SMIM31: variants seen among roughly 807,000 people sequenced by gnomAD.
SMIM31 encodes human epithelial cell program regulator.
At chr4:164,787,948 A>G (rs1386768993) in intron 2 of SMIM31, among the ~76,000 whole-genome samples, 1 of 151,984 alleles carries the variant, frequency 6.6e-6, no homozygotes, top group Non-Finnish European at 1.5e-5. Flanking sequence ...ATTATCGTCA[A>G]TTTTTCAGAA....
intron 2 of SMIM31, among the ~76,000 whole-genome samples, chr4:164,785,654 A>G (rs1318585870): frequency 6.6e-6 from 1 of 151,740 alleles, no homozygotes; most frequent in Non-Finnish European, 1.5e-5. Context: ...GTGTGTGTAT[A>G]TATATATATA....
chr4:164,781,001 G>T (rs1055913556), intron 2 of SMIM31, among the ~76,000 whole-genome samples: 12 of 152,012 alleles, frequency 7.9e-5, no homozygotes, highest in South Asian at 2.1e-4. Flanking sequence ...ACAGACAGGG[G>T]TCTTGCTATG....
At chr4:164,769,403 A>T (rs1732763060) in intron 1 of SMIM31, among the ~76,000 whole-genome samples, 1 of 151,406 alleles carries the variant, frequency 6.6e-6, no homozygotes, top group Non-Finnish European at 1.5e-5. Context: ...TAACATAAAA[A>T]CTCCTCTCCC....
At chr4:164,766,220 T>C (rs1006558248) in intron 1 of SMIM31, among the ~76,000 whole-genome samples, 2 of 152,184 alleles carry the variant, frequency 1.3e-5, no homozygotes, top group African/African-American at 4.8e-5. Flanking sequence ...AATATACTTC[T>C]TGTCCTCTGG....
chr4:164,795,848 A>G (rs931989211), intron 2 of SMIM31, among the ~76,000 whole-genome samples: 1 of 152,174 alleles, frequency 6.6e-6, no homozygotes, highest in Non-Finnish European at 1.5e-5. Context: ...AAAGGTGACT[A>G]AAGCACAACC....
chr4:164,772,002 C>T (rs1332158103), intron 2 of SMIM31, among the ~76,000 whole-genome samples: 7 of 152,156 alleles, frequency 4.6e-5, no homozygotes, highest in African/African-American at 1.4e-4. Context: ...TAAAAAACAA[C>T]GGAAATTTTT....
chr4:164,781,619 G>T (rs1046963462), intron 2 of SMIM31, among the ~76,000 whole-genome samples: 3 of 152,114 alleles, frequency 2.0e-5, no homozygotes, highest in Non-Finnish European at 4.4e-5. Flanking sequence ...CAGCCTCCTT[G>T]CCTCTTCCCA....
intron 2 of SMIM31, among the ~76,000 whole-genome samples, chr4:164,781,654 A>C (rs6855375): frequency 6.6e-6 from 1 of 151,906 alleles, no homozygotes; most frequent in Non-Finnish European, 1.5e-5. Context: ...CACTTCCCCA[A>C]CCCACCTCGT....
At chr4:164,794,067 C>G (rs1733143350) in intron 2 of SMIM31, among the ~76,000 whole-genome samples, 1 of 152,040 alleles carries the variant, frequency 6.6e-6, no homozygotes, top group African/African-American at 2.4e-5. Flanking sequence ...GCATTGAAAG[C>G]CACAATCAAC....
intron 2 of SMIM31, among the ~76,000 whole-genome samples, chr4:164,792,784 C>T (rs1579073580): frequency 6.6e-6 from 1 of 152,146 alleles, no homozygotes; most frequent in East Asian, 1.9e-4. Flanking sequence ...TCATAAAATT[C>T]ATATAGAATC....
At chr4:164,775,824 A>G (rs1732874057) in intron 2 of SMIM31, among the ~76,000 whole-genome samples, 1 of 152,206 alleles carries the variant, frequency 6.6e-6, no homozygotes, top group East Asian at 1.9e-4. Context: ...TTTTTCCAGT[A>G]AAACCCTTTT....
intron 1 of SMIM31, among the ~76,000 whole-genome samples, chr4:164,769,494 ACAAAAAAAC>A (rs1732764084): frequency 1.3e-5 from 2 of 150,580 alleles, no homozygotes; most frequent in Non-Finnish European, 3.0e-5. Flanking sequence ...TATCGCAAGG[ACAAAAAAAC>A]CAAACACCGC....
chr4:164,758,829 T>TA (rs1732606645), intron 1 of SMIM31, among the ~76,000 whole-genome samples: 1 of 92,946 alleles, frequency 1.1e-5, no homozygotes, highest in African/African-American at 4.5e-5. Context: ...TTTTTTTTTT[T>TA]TTTTTTTTTT....
At chr4:164,772,710 C>T (rs1415655780) in intron 2 of SMIM31, among the ~76,000 whole-genome samples, 1 of 151,652 alleles carries the variant, frequency 6.6e-6, no homozygotes, top group African/African-American at 2.4e-5. Flanking sequence ...TCCCGTGTAG[C>T]TGGGACTACA....
intron 2 of SMIM31, among the ~76,000 whole-genome samples, chr4:164,774,827 T>C (rs1229446192): frequency 6.6e-6 from 1 of 152,204 alleles, no homozygotes; most frequent in Non-Finnish European, 1.5e-5. Flanking sequence ...TTATATTAAA[T>C]TTTGCCCTGG....
chr4:164,786,696 T>TTA (rs1239594000), intron 2 of SMIM31, among the ~76,000 whole-genome samples: 1 of 152,188 alleles, frequency 6.6e-6, no homozygotes, highest in Non-Finnish European at 1.5e-5. Flanking sequence ...TGGCAAGGCT[T>TTA]TATAGGTATA....
intron 2 of SMIM31, among the ~76,000 whole-genome samples, chr4:164,775,680 C>A (rs940398893): frequency 6.6e-6 from 1 of 152,126 alleles, no homozygotes; most frequent in African/African-American, 2.4e-5. Context: ...CTATATATGA[C>A]AAACTGGTGT....
intron 2 of SMIM31, among the ~76,000 whole-genome samples, chr4:164,792,520 A>G (rs1733115518): frequency 6.6e-6 from 1 of 152,218 alleles, no homozygotes; most frequent in African/African-American, 2.4e-5. Context: ...TATAATTCCT[A>G]AAAGAGAAAT....
At position 164,759,937 on chromosome 4, in the gene SMIM31, T is replaced by A. The variant is rs572829210; in HGVS notation, c.-26+5526T>A. 2.4e-4 allele frequency among the ~76,000 whole-genome samples: 36 copies of A among 150,984 alleles called. No individual in the cohort carries two copies. In the East Asian group the frequency reaches 6.4e-3, roughly 27 times the overall value. The stretch of plus-strand genomic sequence containing the variant: ...CCAACTTTTAATATGAGGGTGAGAG[T>A]AGACCACACTGAGAAAGTAACACCT... On this transcript the variant is annotated intron_variant, in intron 1 of 2. Coordinates refer to ENST00000507311, the MANE Select transcript of SMIM31 (RefSeq NM_001352885.1).
Sources: allele counts gnomAD v4.1 joint callset (sites outside exome capture counted in the v4.1 genomes callset), GRCh38; gene constraint gnomAD v4.1.1; transcripts MANE v1.5; gene names NCBI Gene and HGNC (gene_info 2026-07-23, HGNC 2026-07-21).